TANGO6: variants seen among roughly 807,000 people sequenced by gnomAD.
TANGO6 encodes transport and Golgi organization protein 6 homolog.
A neutral mutation model predicts 114.2 loss-of-function variants in TANGO6; 90 were observed. That is an observed-to-expected ratio of 0.79 (90% CI 0.66 to 0.94). The LOEUF (loss-of-function observed/expected upper bound fraction) is 0.94, where lower values mean the gene tolerates loss of function less well. Among genes scored for constraint, TANGO6 ranks in the 40% least tolerant of loss-of-function variants. TANGO6 has a pLI of 0.00. For missense variants in TANGO6, 1,274 were observed against 1,315.3 expected (o/e 0.97, Z 0.49); for synonymous variants, 477 against 509.8 (o/e 0.94, Z 0.87).
chr16:68,883,234 A>G (rs2152172429), intron 7 of TANGO6, among the ~76,000 whole-genome samples: 1 of 152,096 alleles, frequency 6.6e-6, no homozygotes, highest in South Asian at 2.1e-4. Context: ...TAAAGTGTAC[A>G]GGCATGCCTG....
At chr16:68,846,667 C>CTTT (rs1260147357) in intron 1 of TANGO6, 14 of 124,872 alleles carry the variant, frequency 1.1e-4, no homozygotes, top group East Asian at 4.7e-4. Flanking sequence ...GGCTAATTTT[C>CTTT]TTTTTTTTTT....
At chr16:68,869,918 T>C (rs1962242499) in intron 4 of TANGO6, among the ~76,000 whole-genome samples, 2 of 151,742 alleles carry the variant, frequency 1.3e-5, no homozygotes, top group Admixed American at 1.3e-4. Flanking sequence ...GCAGGTAGAG[T>C]GGTGCGCAGT....
chr16:69,018,684 A>C (rs1005792213), intron 15 of TANGO6, among the ~76,000 whole-genome samples: 2 of 150,946 alleles, frequency 1.3e-5, no homozygotes, highest in Admixed American at 1.3e-4. Context: ...AGCACTTTGG[A>C]GGCCGAGGCG....
At chr16:68,981,077 T>G (rs566969256) in intron 15 of TANGO6, among the ~76,000 whole-genome samples, 1 of 152,312 alleles carries the variant, frequency 6.6e-6, no homozygotes, top group African/African-American at 2.4e-5. Context: ...TCCTAGAAAT[T>G]TAATCTTAAC....
At chr16:69,043,996 C>T (rs556572868) in intron 17 of TANGO6, among the ~76,000 whole-genome samples, 1 of 152,194 alleles carries the variant, frequency 6.6e-6, no homozygotes, top group Non-Finnish European at 1.5e-5. Context: ...CAGTTTTTAC[C>T]TCTTTCCCAT....
At chr16:68,922,725 A>G (rs533444348) in intron 12 of TANGO6, among the ~76,000 whole-genome samples, 1 of 152,152 alleles carries the variant, frequency 6.6e-6, no homozygotes, top group Admixed American at 6.5e-5. Flanking sequence ...CTAAAGCACG[A>G]GGCTGAGCAG....
intron 14 of TANGO6, among the ~76,000 whole-genome samples, chr16:68,969,871 C>T (rs912500359): frequency 4.6e-5 from 7 of 152,032 alleles, no homozygotes; most frequent in Non-Finnish European, 5.9e-5. Flanking sequence ...CATCGGGTCT[C>T]TTCTTCTTCT....
chr16:68,888,997 T>C (rs1962576130), intron 7 of TANGO6, among the ~76,000 whole-genome samples: 1 of 152,206 alleles, frequency 6.6e-6, no homozygotes, highest in Non-Finnish European at 1.5e-5. Context: ...CTAATTTTTG[T>C]ATTTTTAGCA....
chr16:68,941,404 T>A (rs1188448478), intron 14 of TANGO6, among the ~76,000 whole-genome samples: 1 of 152,150 alleles, frequency 6.6e-6, no homozygotes, highest in Admixed American at 6.5e-5. Context: ...CTATTAGGTT[T>A]TTTTTTTATT....
intron 17 of TANGO6, among the ~76,000 whole-genome samples, chr16:69,054,867 G>T (rs1960008525): frequency 6.6e-6 from 1 of 150,998 alleles, no homozygotes; most frequent in Non-Finnish European, 1.5e-5. Flanking sequence ...CGTGAACCCG[G>T]GAGGCGGAGC....
intron 7 of TANGO6, among the ~76,000 whole-genome samples, chr16:68,896,925 A>G (rs958643224): frequency 1.3e-5 from 2 of 151,738 alleles, no homozygotes; most frequent in African/African-American, 4.8e-5. Flanking sequence ...TTTTTTTGAG[A>G]TAGAGTCTTG....
chr16:69,067,209 T>G (rs1459871228), intron 17 of TANGO6, among the ~76,000 whole-genome samples: 1 of 151,824 alleles, frequency 6.6e-6, no homozygotes. Flanking sequence ...CAAAAAAAAT[T>G]TTTTTTTTAT....
At chr16:68,886,216 C>A (rs2152173835) in intron 7 of TANGO6, among the ~76,000 whole-genome samples, 1 of 151,468 alleles carries the variant, frequency 6.6e-6, no homozygotes, top group Non-Finnish European at 1.5e-5. Context: ...GGCCCTTTGT[C>A]CATTTTTTTT....
intron 6 of TANGO6, 107 bp downstream of exon 6, chr16:68,878,387 T>C: frequency 7.7e-7 from 1 of 1,306,166 alleles, no homozygotes; most frequent in Non-Finnish European, 1.0e-6. Flanking sequence ...TAGTTTTCCT[T>C]CCCCTCCCCC....
At chr16:68,848,208 G>A (rs1317327371) in intron 1 of TANGO6, among the ~76,000 whole-genome samples, 1 of 152,032 alleles carries the variant, frequency 6.6e-6, no homozygotes, top group Non-Finnish European at 1.5e-5. Flanking sequence ...CTGGGCTCGG[G>A]TGATGCTTCT....
chr16:68,964,785 C>T (rs114469701), intron 14 of TANGO6, among the ~76,000 whole-genome samples: 232 of 151,838 alleles, frequency 1.5e-3, no homozygotes, highest in African/African-American at 5.0e-3. Flanking sequence ...TGGCCAGTCT[C>T]GAATTCCTGG....
At chr16:68,845,413 T>C (rs906473717) in intron 1 of TANGO6, among the ~76,000 whole-genome samples, 11 of 152,234 alleles carry the variant, frequency 7.2e-5, no homozygotes, top group African/African-American at 2.7e-4. Flanking sequence ...CACATATATG[T>C]ACTCATTTAA....
intron 16 of TANGO6, among the ~76,000 whole-genome samples, chr16:69,023,222 G>A (rs994072978): frequency 6.6e-6 from 1 of 152,122 alleles, no homozygotes; most frequent in African/African-American, 2.4e-5. Context: ...TTGGGAGGGC[G>A]AGGCGGGTAG....
At chr16:69,056,221 T>C (rs1960030135) in intron 17 of TANGO6, among the ~76,000 whole-genome samples, 2 of 152,158 alleles carry the variant, frequency 1.3e-5, no homozygotes, top group South Asian at 4.1e-4. Flanking sequence ...TTTACATAGA[T>C]CTACATGTGT....
Sources: gnomAD v4.1 joint callset for allele counts (sites outside exome capture counted in the v4.1 genomes callset) on GRCh38, gnomAD v4.1.1 for gene constraint, MANE v1.5 for transcripts, NCBI Gene and HGNC (gene_info 2026-07-23, HGNC 2026-07-21) for gene names.